TMTC3: variants seen among roughly 807,000 people sequenced by gnomAD.
TMTC3 encodes the protein transmembrane O-mannosyltransferase targeting cadherins 3.
TMTC3 carries 52 observed loss-of-function variants against 92.2 expected under a neutral mutation model. The ratio of observed to expected loss-of-function variants is 0.56; its 90% CI spans 0.45 to 0.71. The LOEUF is 0.71. Ranked by LOEUF, TMTC3 falls within the 30% of genes least tolerant of loss-of-function variation. The pLI, the probability that TMTC3 is intolerant of heterozygous loss-of-function variation, is 0.00. For missense variants in TMTC3, 896 were observed against 1,057.1 expected, an observed-to-expected ratio of 0.85 and a Z score of 2.11; for synonymous variants, 339 against 363.3, an observed-to-expected ratio of 0.93 and a Z score of 0.76.
intron 10 of TMTC3, among the ~76,000 whole-genome samples, chr12:88,179,239 T>G (rs192960804): frequency 6.6e-6 from 1 of 152,270 alleles, no homozygotes; most frequent in African/African-American, 2.4e-5. Flanking sequence ...CCTAGATGGG[T>G]TTGACAGATG....
intron 4 of TMTC3, among the ~76,000 whole-genome samples, chr12:88,154,870 G>A (rs1245561050): frequency 6.6e-6 from 1 of 152,086 alleles, no homozygotes; most frequent in Non-Finnish European, 1.5e-5. Flanking sequence ...GAATACATTA[G>A]CTCATTACTC....
chr12:88,185,554 A>T (rs1258749923), intron 10 of TMTC3, among the ~76,000 whole-genome samples: 1 of 152,160 alleles, frequency 6.6e-6, no homozygotes, highest in Non-Finnish European at 1.5e-5. Flanking sequence ...ACATTCATAT[A>T]CCAGTCTTTA....
chr12:88,144,375 T>C (rs2040845724), intron 1 of TMTC3, among the ~76,000 whole-genome samples: 1 of 152,184 alleles, frequency 6.6e-6, no homozygotes. Context: ...GTTTTCATAA[T>C]AGAAGTCTGT....
intron 5 of TMTC3, 115 bp downstream of exon 5, chr12:88,160,344 C>A: frequency 1.7e-6 from 1 of 595,676 alleles, no homozygotes; most frequent in Non-Finnish European, 2.7e-6. Flanking sequence ...AATGTGTTTA[C>A]CAATAATAAT....
At chr12:88,194,477 G>A (rs1255028240) in intron 13 of TMTC3, among the ~76,000 whole-genome samples, 1 of 152,078 alleles carries the variant, frequency 6.6e-6, no homozygotes, top group Non-Finnish European at 1.5e-5. Context: ...AAGTCATAAT[G>A]TTATCAGAAT....
rs369849573 is a variant in TMTC3, at chr12:88,169,572, TA to T, written c.1050+2992del. 2.4e-3 allele frequency among the ~76,000 whole-genome samples: 369 copies of T among 152,288 alleles called. 2 individuals are homozygous for T. The highest frequency in any genetic ancestry group is 8.5e-3 in the African/African-American group (355 of 41,560). ...AAGGAGCACCTACCAGATACCATGT[TA>T]AGCACTTATTAGATAAGATGTCATA... On this transcript the variant is annotated intron_variant, in intron 7 of 13. Transcript: ENST00000266712.
At chr12:88,194,122 C>G (rs1274275086) in intron 13 of TMTC3, among the ~76,000 whole-genome samples, 1 of 151,862 alleles carries the variant, frequency 6.6e-6, no homozygotes, top group Non-Finnish European at 1.5e-5. Flanking sequence ...CTCGGGAAGC[C>G]AAGGTGGGAG....
Position 88,176,297 on chromosome 12 carries a change from A to G in TMTC3, c.1410A>G (p.Leu470=). 1 of 1,611,586 alleles carries G rather than the reference A, an allele frequency of 6.2e-7. No individual in the cohort carries two copies. The highest frequency in any genetic ancestry group is 8.5e-7 in the Non-Finnish European group (1 of 1,178,572). ...KNFERALKYF[L]QATHVQPDDI... ...TTGAGAGAGCTTTGAAATACTTCTT[A>G]CAGGCTACCCATGTTCAGCCAGGTA... Residue 470 remains leucine, a synonymous_variant, in exon 10 of 14, where the codon TTA becomes TTG. Transcript: ENST00000266712.
intron 2 of TMTC3, among the ~76,000 whole-genome samples, chr12:88,148,758 T>C (rs1459086765): frequency 6.6e-6 from 1 of 152,012 alleles, no homozygotes; most frequent in African/African-American, 2.4e-5. Flanking sequence ...ACTTTTATTT[T>C]AGATACAGGG....
At chr12:88,147,607 G>C (rs1270573990) in intron 1 of TMTC3, among the ~76,000 whole-genome samples, 1 of 151,916 alleles carries the variant, frequency 6.6e-6, no homozygotes. Flanking sequence ...GACCTTTAAT[G>C]ACTTAGGTTT....
chr12:88,191,121 A>G (rs1400526299), intron 12 of TMTC3, among the ~76,000 whole-genome samples: 1 of 152,130 alleles, frequency 6.6e-6, no homozygotes, highest in Admixed American at 6.5e-5. Context: ...TATCATTTGT[A>G]TTACTTTTGA....
At chr12:88,172,953 T>C in intron 8 of TMTC3, 1 of 1,460,648 alleles carries the variant, frequency 6.8e-7, no homozygotes, top group Non-Finnish European at 9.1e-7. Context: ...ATTTATGTAA[T>C]TTGATTTTAC....
In TMTC3 at chr12:88,188,837, T is replaced by C; in HGVS notation, c.1433-6T>C. 1 of 1,471,156 alleles carries C rather than the reference T, an allele frequency of 6.8e-7. No individual in the cohort carries two copies. Among genetic ancestry groups the C allele is most frequent in the Non-Finnish European group, 9.3e-7 (1 of 1,070,156 alleles). The allele number at this position is 1,471,156 out of a possible 1,614,324, so 91.1% of individuals were successfully genotyped here. A position where few individuals can be genotyped will look rare whatever the true frequency, so the allele number is the denominator to read the frequency against. Reference sequence around the variant, plus strand: ...TTGCCAACAAATGATTGTTTTAAAATTTTAGATGATATTGGTGCCCATATG... The same window carrying C: ...TTGCCAACAAATGATTGTTTTAAAACTTTAGATGATATTGGTGCCCATATG... On this transcript the variant is annotated splice_polypyrimidine_tract_variant and splice_region_variant and intron_variant, in intron 10 of 13. Coordinates refer to ENST00000266712, the MANE Select transcript of TMTC3 (RefSeq NM_181783.4).
chr12:88,173,156 T>C, intron 8 of TMTC3: 1 of 1,105,868 alleles, frequency 9.0e-7, no homozygotes, highest in Non-Finnish European at 1.2e-6. Flanking sequence ...CTTGCTATCA[T>C]CACTATCTTC....
chr12:88,178,501 C>T (rs2041283110), intron 10 of TMTC3, among the ~76,000 whole-genome samples: 1 of 151,754 alleles, frequency 6.6e-6, no homozygotes, highest in South Asian at 2.1e-4. Context: ...CTGTATCTTT[C>T]CTATATTTGT....
chr12:88,182,604 GA>G (rs1240767556), intron 10 of TMTC3, among the ~76,000 whole-genome samples: 1 of 152,152 alleles, frequency 6.6e-6, no homozygotes, highest in Non-Finnish European at 1.5e-5. Context: ...CAGGTGCTAT[GA>G]CTAAACCTCT....
intron 8 of TMTC3, among the ~76,000 whole-genome samples, chr12:88,173,595 GTCT>G (rs2041228382): frequency 6.6e-6 from 1 of 151,990 alleles, no homozygotes; most frequent in African/African-American, 2.4e-5. Flanking sequence ...ATTTTTCAAA[GTCT>G]TATGGCCACT....
chr12:88,187,195 AAG>A (rs1200122617), intron 10 of TMTC3, among the ~76,000 whole-genome samples: 1 of 151,854 alleles, frequency 6.6e-6, no homozygotes, highest in Non-Finnish European at 1.5e-5. Flanking sequence ...TATAAAAGCA[AAG>A]ACTACCCCAT....
intron 7 of TMTC3, among the ~76,000 whole-genome samples, chr12:88,171,348 G>C (rs2041202425): frequency 6.6e-6 from 1 of 151,786 alleles, no homozygotes; most frequent in South Asian, 2.1e-4. Context: ...TATGCCTTTT[G>C]ACCAACCTCT....
Sources: allele counts gnomAD v4.1 joint callset (sites outside exome capture counted in the v4.1 genomes callset), GRCh38; gene constraint gnomAD v4.1.1; transcripts MANE v1.5; gene names NCBI Gene and HGNC (gene_info 2026-07-23, HGNC 2026-07-21).